Variants in PLXNA1 observed in about 807,000 individuals in gnomAD.
The protein encoded by PLXNA1 is plexin A1.
Under a neutral mutation model 191.7 loss-of-function variants are expected in PLXNA1, and 77 were observed. The observed-to-expected ratio is 0.40, with a 90% CI of 0.33 to 0.49. The LOEUF (loss-of-function observed/expected upper bound fraction) is 0.49, where lower values mean the gene tolerates loss of function less well. Ranked by LOEUF, PLXNA1 falls within the 20% of genes least tolerant of loss-of-function variation. PLXNA1 has a pLI of 0.63. For synonymous variants in PLXNA1, 1,137 were observed against 1,156.4 expected (o/e 0.98, Z 0.34); for missense variants, 2,110 against 2,660.2 (o/e 0.79, Z 4.55).
At chr3:126,986,604 C>A (rs1188918422) in intron 1 of PLXNA1, among the ~76,000 whole-genome samples, 1 of 152,228 alleles carries the variant, frequency 6.6e-6, no homozygotes, top group Non-Finnish European at 1.5e-5. Context: ...TCCTGGGTCC[C>A]TGGCTTGGCT....
Position 127,030,436 on chromosome 3 carries a change from G to C in PLXNA1, c.5231+24G>C, listed in dbSNP as rs775100791. 3 of 1,611,770 alleles carry C rather than the reference G, an allele frequency of 1.9e-6. No homozygotes were observed. The Admixed American group carries it at 5.0e-5, about 27-fold the overall frequency. Reference sequence around the variant, plus strand: ...TGGTAATGCAGGGCAGGGGGAGGAGGGGCATCCCCCAGGGCCAGGCCAGAT... The same window carrying C: ...TGGTAATGCAGGGCAGGGGGAGGAGCGGCATCCCCCAGGGCCAGGCCAGAT... On this transcript the variant is annotated intron_variant, in intron 29 of 31. Transcript: ENST00000393409.
chr3:127,005,364 G>A, intron 7 of PLXNA1, 121 bp downstream of exon 7: 1 of 1,260,354 alleles, frequency 7.9e-7, no homozygotes, highest in Non-Finnish European at 1.1e-6. Flanking sequence ...CACTCTGACA[G>A]CTGATATGGG....
At chr3:126,996,592 G>T (rs999081921) in intron 3 of PLXNA1, among the ~76,000 whole-genome samples, 1 of 152,184 alleles carries the variant, frequency 6.6e-6, no homozygotes. Flanking sequence ...CTGGAGCTGG[G>T]GGGGCAAGAA....
intron 10 of PLXNA1, among the ~76,000 whole-genome samples, chr3:127,012,883 G>A (rs1367971): frequency 0.079 from 12,082 of 152,256 alleles, 607 homozygotes; most frequent in South Asian, 0.21. Flanking sequence ...TGCTCAGGAC[G>A]GGTGTGATCC....
intron 8 of PLXNA1, 111 bp from the exon 9 acceptor site, chr3:127,007,688 C>T (rs764372315): frequency 1.5e-6 from 1 of 678,042 alleles, no homozygotes; most frequent in Non-Finnish European, 2.6e-6. Context: ...GTGCCAAGAC[C>T]CTGAGGTGGC....
At chr3:127,032,363 C>A in intron 29 of PLXNA1, 24 bp from the exon 30 acceptor site, 1 of 1,609,140 alleles carries the variant, frequency 6.2e-7, no homozygotes, top group Non-Finnish European at 8.5e-7. Context: ...CCTATCTGAG[C>A]AGCGCCTGGA....
At chr3:127,017,924 G>A in intron 19 of PLXNA1, 32 bp downstream of exon 19, 1 of 1,608,118 alleles carries the variant, frequency 6.2e-7, no homozygotes, top group Non-Finnish European at 8.5e-7. Context: ...GCAGAGCTGG[G>A]AGAGCCATGC....
intron 1 of PLXNA1, among the ~76,000 whole-genome samples, chr3:126,985,745 C>G (rs1392992157): frequency 1.3e-5 from 2 of 152,264 alleles, no homozygotes; most frequent in African/African-American, 4.8e-5. Flanking sequence ...GGCTGGCTGG[C>G]TGGTCCAGTC....
At chr3:126,999,463 A>G (rs1425901737) in intron 3 of PLXNA1, among the ~76,000 whole-genome samples, 1 of 152,182 alleles carries the variant, frequency 6.6e-6, no homozygotes, top group Non-Finnish European at 1.5e-5. Context: ...AGAGTTGGGC[A>G]ACTCCCCTTG....
In PLXNA1 at chr3:127,034,049, C is replaced by T. The variant is rs1451563913; in HGVS notation, c.*32C>T. ...GCTGTGATCATCCAGCATGATGCAG[C>T]GTGAGGACAGCTGAGCAGGGACCGG... On this transcript the variant is annotated 3_prime_UTR_variant, in exon 32 of 32. Transcript: ENST00000393409. 5.8e-6 allele frequency: 9 copies of T among 1,551,308 alleles called. No homozygotes were observed. Among genetic ancestry groups the T allele is most frequent in the South Asian group, 1.2e-5 (1 of 84,618 alleles).
Position 127,014,400 on chromosome 3 carries a change from C to A in PLXNA1, c.2604+25C>A, listed in dbSNP as rs758225994. On this transcript the variant is annotated intron_variant, in intron 12 of 31. Transcript: ENST00000393409. ...GGTAGGGCCCCCAGCCCTGCCCCCA[C>A]ACCCCATGCCCCGCCCTGCACCACC... 6 of 1,572,314 alleles carry A rather than the reference C, an allele frequency of 3.8e-6. No individual in the cohort carries two copies. The African/African-American group carries it at 4.0e-5, about 11-fold the overall frequency.
intron 20 of PLXNA1, among the ~76,000 whole-genome samples, chr3:127,019,602 T>G (rs554535875): frequency 9.2e-5 from 14 of 152,324 alleles, no homozygotes; most frequent in African/African-American, 3.1e-4. Flanking sequence ...ATTAAACCTG[T>G]CAGATGTCCC....
chr3:127,012,069 T>A lies in PLXNA1; in HGVS notation c.2224T>A (p.Tyr742Asn). The stretch of plus-strand genomic sequence containing the variant: ...ACAGCCACAGTCAGGCCAGCGTGGA[T>A]ATGAGTGCCTCTTCCACATCCCGGG... Reference protein sequence around the residue: ...LPQPQSGQRGYECLFHIPGSP... With the variant: ...LPQPQSGQRGNECLFHIPGSP... The change falls in exon 10 of 32, where the codon TAT (tyrosine) becomes AAT (asparagine). Residue 742 changes from tyrosine to asparagine, a missense_variant. Tyr to Asn is a moderately radical substitution (Grantham distance 143). This residue lies in a region of PLXNA1 where 4 missense variants were observed against 18.7 expected (regional missense o/e 0.21). Coordinates refer to ENST00000393409, the MANE Select transcript of PLXNA1 (RefSeq NM_032242.4). 2 of 1,613,808 alleles carry A rather than the reference T, an allele frequency of 1.2e-6. No homozygotes were observed. The highest frequency in any genetic ancestry group is 8.5e-7 in the Non-Finnish European group (1 of 1,180,036).
chr3:126,999,947 A>AG (rs1279201875), intron 3 of PLXNA1, among the ~76,000 whole-genome samples: 5 of 151,954 alleles, frequency 3.3e-5, no homozygotes, highest in African/African-American at 1.2e-4. Flanking sequence ...CATGTAGGAC[A>AG]GGTACCCCAG....
At position 127,014,698 on chromosome 3, in the gene PLXNA1, C is replaced by A. The variant is rs560974424; in HGVS notation, c.2757-13C>A. On this transcript the variant is annotated splice_polypyrimidine_tract_variant and intron_variant, in intron 13 of 31. Transcript: ENST00000393409. ...CGGGGCTCCTGCAGCCCCTGAGGCC[C>A]GCCTGCCCACAGGATCGTCTGTGAG... is the stretch of plus-strand genomic sequence containing the variant. The A allele has an allele frequency of 4.8e-5, 77 of 1,610,872 alleles. No individual in the cohort carries two copies. The highest frequency in any genetic ancestry group is 1.8e-4 in the Admixed American group (11 of 59,904).
intron 29 of PLXNA1, 35 bp downstream of exon 29, chr3:127,030,447 A>G: frequency 6.2e-7 from 1 of 1,608,536 alleles, no homozygotes; most frequent in Non-Finnish European, 8.5e-7. Flanking sequence ...GGCATCCCCC[A>G]GGGCCAGGCC....
At position 127,037,359 on chromosome 3, in the gene PLXNA1, A is replaced by G. The variant is rs1165088307; in HGVS notation, c.*3342A>G. ...TTAGTACTTGTAAATAAACACACAC[A>G]TTAAGGAGAGATTAAACATTTTTGC... On this transcript the variant is annotated 3_prime_UTR_variant, in exon 32 of 32. Transcript: ENST00000393409. 1.3e-5 allele frequency: 2 copies of G among 152,564 alleles called. No individual in the cohort carries two copies. The highest frequency in any genetic ancestry group is 4.8e-5 in the African/African-American group (2 of 41,388). The allele number at this position is 152,564 out of a possible 1,614,324, so 9.5% of individuals were successfully genotyped here.
chr3:127,017,033 A>C lies in PLXNA1; in HGVS notation c.3272A>C (p.Glu1091Ala), dbSNP rs1197323778. Residue 1091 changes from glutamate (E) to alanine (A), a missense_variant, in exon 17 of 32, where the codon GAG becomes GCG. Physicochemically the swap from Glu to Ala is moderately radical, Grantham distance 107. This residue lies in a region of PLXNA1 where 644 missense variants were observed against 714.3 expected (regional missense o/e 0.90). Transcript: ENST00000393409. ...GCCAAGTATGGAGGCATTGAGAGGGAGAACGTGAGTCCCTGCCCTCAGCTG... is the reference window on the plus strand; with the variant it reads ...GCCAAGTATGGAGGCATTGAGAGGGCGAACGTGAGTCCCTGCCCTCAGCTG... ...IRAKYGGIER[E>A]NGCLVYNDTT... is the part of the protein sequence containing the mutation. The C allele has an allele frequency of 6.2e-7, 1 of 1,612,908 alleles. No homozygotes were observed. The highest frequency in any genetic ancestry group is 1.1e-5 in the South Asian group (1 of 91,038).
In PLXNA1 at chr3:126,989,805, G is replaced by T. The variant is rs1461774642; in HGVS notation, c.1194+18G>T. 2.5e-6 allele frequency: 4 copies of T among 1,581,048 alleles called. No homozygotes were observed. The highest frequency in any genetic ancestry group is 2.6e-6 in the Non-Finnish European group (3 of 1,159,506). The stretch of plus-strand genomic sequence containing the variant: ...TCAACTCGGTGAGTTGGGCAGGGGC[G>T]CCCCTCCTCCCGCGGCCCCATCCCC... On this transcript the variant is annotated intron_variant, in intron 2 of 31. Transcript: ENST00000393409.
Sources: allele counts gnomAD v4.1 joint callset (sites outside exome capture counted in the v4.1 genomes callset), GRCh38; gene constraint gnomAD v4.1.1; regional missense constraint gnomAD v4.1.1; transcripts MANE v1.5; gene names NCBI Gene and HGNC (gene_info 2026-07-23, HGNC 2026-07-21).